The following RNFT2 variants were observed in gnomAD, a reference collection of about 807,000 sequenced individuals.
RNFT2 encodes ring finger protein, transmembrane 2.
Under a neutral mutation model 53.0 loss-of-function variants are expected in RNFT2, and 36 were observed. That is an observed-to-expected ratio of 0.68 (90% CI 0.52 to 0.90). The LOEUF (loss-of-function observed/expected upper bound fraction) is 0.90, where lower values mean the gene tolerates loss of function less well. RNFT2 is among the 40% of genes least tolerant of loss of function. RNFT2 has a pLI of 0.00. For missense variants in RNFT2, 514 were observed against 585.6 expected (o/e 0.88, Z 1.26); for synonymous variants, 260 against 253.2 (o/e 1.03, Z -0.26).
At chr12:116,770,949 C>T (rs1168388914) in intron 6 of RNFT2, among the ~76,000 whole-genome samples, 1 of 152,174 alleles carries the variant, frequency 6.6e-6, no homozygotes, top group Non-Finnish European at 1.5e-5. Flanking sequence ...TGGCAGACTA[C>T]AGCCATTCAC....
rs1167635407 is a variant in RNFT2 at position 116,852,817 on chromosome 12, G to A, written c.*3369G>A. 9.0e-6 allele frequency: 10 copies of A among 1,106,752 alleles called. No individual in the cohort carries two copies. The highest frequency in any genetic ancestry group is 1.5e-5 in the African/African-American group (1 of 64,974). 68.6% of individuals were successfully genotyped at this position (1,106,752 alleles called of 1,614,324 possible). ...TCCCTGTAGCCATCTCCAGGGTGAC[G>A]GAACCCAGTGTATTACCTGCTGGAA... On this transcript the variant is annotated 3_prime_UTR_variant, in exon 11 of 11. Transcript: ENST00000257575.
chr12:116,830,725 C>T (rs886259444), intron 7 of RNFT2, among the ~76,000 whole-genome samples: 3 of 152,072 alleles, frequency 2.0e-5, no homozygotes, highest in Non-Finnish European at 4.4e-5. Context: ...GCCTGGCCAA[C>T]ATGGTGAAAC....
intron 5 of RNFT2, among the ~76,000 whole-genome samples, chr12:116,760,946 A>G (rs565070795): frequency 6.6e-6 from 1 of 151,514 alleles, no homozygotes; most frequent in Non-Finnish European, 1.5e-5. Flanking sequence ...TGGCATGACC[A>G]TAGCTCATTG....
chr12:116,838,310 A>T (rs1404462669), intron 10 of RNFT2, among the ~76,000 whole-genome samples: 2 of 152,246 alleles, frequency 1.3e-5, no homozygotes, highest in Non-Finnish European at 2.9e-5. Context: ...CAAGGGAAGC[A>T]TTTAGAACTG....
intron 6 of RNFT2, among the ~76,000 whole-genome samples, chr12:116,777,198 G>A (rs950410392): frequency 3.9e-5 from 6 of 151,996 alleles, no homozygotes; most frequent in African/African-American, 1.2e-4. Context: ...GATTACAGTC[G>A]TGAGCCACCG....
chr12:116,755,408 C>T (rs2029856), intron 5 of RNFT2: 929,903 of 994,314 alleles, frequency 0.94, 436,068 homozygotes, highest in Non-Finnish European at 0.95. Flanking sequence ...CATGAATTCA[C>T]AGGGAATAGG....
intron 7 of RNFT2, among the ~76,000 whole-genome samples, chr12:116,816,350 G>T (rs1181744227): frequency 6.6e-6 from 1 of 152,166 alleles, no homozygotes; most frequent in African/African-American, 2.4e-5. Flanking sequence ...TTGACAGGAA[G>T]ATTTTTACTC....
chr12:116,831,796 AC>A (rs1320569604), intron 7 of RNFT2, among the ~76,000 whole-genome samples: 12 of 151,886 alleles, frequency 7.9e-5, no homozygotes, highest in African/African-American at 2.9e-4. Context: ...AAACGTGCGC[AC>A]CCATGTATCC....
At chr12:116,822,445 C>CAT (rs1459258930) in intron 7 of RNFT2, among the ~76,000 whole-genome samples, 1 of 152,096 alleles carries the variant, frequency 6.6e-6, no homozygotes, top group Non-Finnish European at 1.5e-5. Flanking sequence ...CCAGCATTTT[C>CAT]CAGCTGCGTC....
At chr12:116,826,612 C>T (rs974099086) in intron 7 of RNFT2, among the ~76,000 whole-genome samples, 1 of 152,206 alleles carries the variant, frequency 6.6e-6, no homozygotes, top group Non-Finnish European at 1.5e-5. Context: ...CTAATTGCTA[C>T]CTTTAACGGG....
At chr12:116,839,953 C>T (rs946683353) in intron 10 of RNFT2, among the ~76,000 whole-genome samples, 1 of 152,152 alleles carries the variant, frequency 6.6e-6, no homozygotes, top group Non-Finnish European at 1.5e-5. Context: ...GGTTAGAACA[C>T]TCTGCTCAGG....
Position 116,749,881 on chromosome 12 carries a change from GA to G in RNFT2, c.126del (p.Gly43ValfsTer7). On this transcript the variant is annotated frameshift_variant, in exon 4 of 11. Coordinates refer to ENST00000257575, the MANE Select transcript of RNFT2 (RefSeq NM_001382266.1). LOFTEE classifies it high-confidence loss of function. ...GCTCAGCTCCGAGGCGAGTGTGGAT[GA>G]AGGTGGCGTCTTTGAGAGTCTGAAG... The part of the protein sequence containing the change: ...QALSSEASVD[E>X]GGVFESLKAE... The G allele has an allele frequency of 6.3e-7, 1 of 1,588,566 alleles. No homozygotes were observed. The highest frequency in any genetic ancestry group is 1.3e-5 in the African/African-American group (1 of 74,156).
chr12:116,808,091 A>C (rs1028270036), intron 7 of RNFT2, among the ~76,000 whole-genome samples: 3 of 151,888 alleles, frequency 2.0e-5, no homozygotes, highest in African/African-American at 7.3e-5. Flanking sequence ...AGCCTCCCAA[A>C]TAACTGGGAT....
At chr12:116,794,830 G>A (rs1381486947) in intron 7 of RNFT2, among the ~76,000 whole-genome samples, 1 of 152,024 alleles carries the variant, frequency 6.6e-6, no homozygotes, top group African/African-American at 2.4e-5. Flanking sequence ...CTCGGCCACT[G>A]CCCCTGTCTC....
intron 2 of RNFT2, 184 bp downstream of exon 2, chr12:116,740,705 A>G (rs1871563953): frequency 1.5e-6 from 1 of 660,922 alleles, no homozygotes; most frequent in Admixed American, 2.2e-5. Context: ...CCCAGAATCC[A>G]TGTCTCCTGC....
At chr12:116,740,945 A>G (rs1242614367) in intron 2 of RNFT2, 91 bp from the exon 3 acceptor site, 2 of 1,059,730 alleles carry the variant, frequency 1.9e-6, no homozygotes, top group South Asian at 2.7e-5. Flanking sequence ...AGATACGACT[A>G]GTGCAGGTTT....
intron 7 of RNFT2, among the ~76,000 whole-genome samples, chr12:116,824,216 C>T (rs1290180694): frequency 6.6e-6 from 1 of 152,252 alleles, no homozygotes; most frequent in East Asian, 1.9e-4. Context: ...GACTCCCATT[C>T]CTAGTATCTT....
intron 10 of RNFT2, among the ~76,000 whole-genome samples, chr12:116,837,402 G>T (rs1270056465): frequency 2.0e-5 from 3 of 152,098 alleles, no homozygotes; most frequent in African/African-American, 7.2e-5. Context: ...GAGGCAGAGA[G>T]CGATGAGTTC....
intron 10 of RNFT2, among the ~76,000 whole-genome samples, chr12:116,848,999 T>C (rs945074472): frequency 2.0e-5 from 3 of 151,978 alleles, no homozygotes; most frequent in African/African-American, 7.2e-5. Flanking sequence ...TTGTATTTTT[T>C]AGTAGAGACT....
Sources: gnomAD v4.1 joint callset for allele counts (sites outside exome capture counted in the v4.1 genomes callset) on GRCh38, gnomAD v4.1.1 for gene constraint, MANE v1.5 for transcripts, NCBI Gene and HGNC (gene_info 2026-07-23, HGNC 2026-07-21) for gene names.